SGCG: variants seen among roughly 807,000 people sequenced by gnomAD.
SGCG encodes the protein gamma-sarcoglycan.
Under a neutral mutation model 29.3 loss-of-function variants are expected in SGCG, and 26 were observed. That is an observed-to-expected ratio of 0.89 (90% confidence interval 0.65 to 1.23). The LOEUF (loss-of-function observed/expected upper bound fraction) is 1.23, where lower values mean the gene tolerates loss of function less well. Among genes scored for constraint, SGCG ranks in the 50% most tolerant of loss-of-function variants. The pLI is 0.00. For synonymous variants in SGCG, 145 were observed against 129.7 expected (o/e 1.12, Z -0.80); for missense variants, 353 against 356.0 (o/e 0.99, Z 0.07).
At chr13:23,200,801 C>T (rs768684146) in intron 1 of SGCG, among the ~76,000 whole-genome samples, 8 of 151,952 alleles carry the variant, frequency 5.3e-5, no homozygotes, top group African/African-American at 1.9e-4. Flanking sequence ...ATGCAGGCAT[C>T]GGGAGACCTT....
the SGCG span, among the ~76,000 whole-genome samples, chr13:23,174,411 A>C: frequency 6.6e-6 from 1 of 152,236 alleles, no homozygotes; most frequent in Non-Finnish European, 1.5e-5. Context: ...AAACAAGGGA[A>C]GTGGAGGTTA....
chr13:23,271,660 TG>T (rs1880881314), intron 4 of SGCG, among the ~76,000 whole-genome samples: 1 of 152,200 alleles, frequency 6.6e-6, no homozygotes, highest in South Asian at 2.1e-4. Context: ...TATTCTTGTA[TG>T]TTTGTTTTTA....
At chr13:23,267,853 G>A (rs951076897) in intron 4 of SGCG, 1 of 152,188 alleles carries the variant, frequency 6.6e-6, no homozygotes, top group Non-Finnish European at 1.5e-5. Context: ...AGGAAACGGG[G>A]TGGCAACTCA....
intron 2 of SGCG, among the ~76,000 whole-genome samples, chr13:23,229,258 C>A (rs116285233): frequency 0.045 from 6,920 of 152,182 alleles, 192 homozygotes; most frequent in South Asian, 0.074. Context: ...GCAATGAACA[C>A]AACGCATGCA....
At chr13:23,317,935 A>T (rs1882887045) in intron 6 of SGCG, among the ~76,000 whole-genome samples, 1 of 152,168 alleles carries the variant, frequency 6.6e-6, no homozygotes, top group African/African-American at 2.4e-5. Context: ...TGGGGAAGGC[A>T]GACCCACCCT....
chr13:23,191,933 C>T lies in SGCG; in HGVS notation c.-1+10858C>T, dbSNP rs182762073. Among the ~76,000 whole-genome samples, 365 of 152,198 alleles carry T rather than the reference C, an allele frequency of 2.4e-3. 4 individuals carry two copies. The highest frequency in any genetic ancestry group is 4.2e-3 in the Non-Finnish European group (286 of 68,006). On this transcript the variant is annotated intron_variant, in intron 1 of 7. Transcript: ENST00000218867. ...GGGCGCGGTGGCTCACGCCTGTAAT[C>T]CCAGCACTTAGGTGGGCGGATCACG...
intron 6 of SGCG, among the ~76,000 whole-genome samples, chr13:23,318,666 T>C (rs1350990289): frequency 6.6e-6 from 1 of 152,200 alleles, no homozygotes; most frequent in African/African-American, 2.4e-5. Flanking sequence ...TGGAAATGTA[T>C]ACTTCAGAGC....
intron 4 of SGCG, among the ~76,000 whole-genome samples, chr13:23,254,007 CTT>C (rs1457950633): frequency 6.6e-6 from 1 of 152,208 alleles, no homozygotes; most frequent in East Asian, 1.9e-4. Context: ...AATTAAACCT[CTT>C]TTCTTTATAA....
chr13:23,238,201 G>C (rs1221886297), intron 3 of SGCG, among the ~76,000 whole-genome samples: 5 of 152,140 alleles, frequency 3.3e-5, no homozygotes, highest in Admixed American at 3.3e-4. Flanking sequence ...GCAGACACAG[G>C]TGGTCTCCCT....
At chr13:23,213,962 T>A (rs531398158) in intron 2 of SGCG, among the ~76,000 whole-genome samples, 11 of 152,342 alleles carry the variant, frequency 7.2e-5, no homozygotes, top group African/African-American at 2.4e-4. Context: ...CTAACAAACT[T>A]GGCCATGAAA....
rs189649224 is a variant in SGCG, at chr13:23,213,098, G to T, written c.195+9209G>T. On this transcript the variant is annotated intron_variant, in intron 2 of 7. Coordinates refer to ENST00000218867, the MANE Select transcript of SGCG (RefSeq NM_000231.3). Reference sequence around the variant, plus strand: ...GTTTTATTACCCTATCTCTGCAGTGGTCTCACTGGCAAAGTACCCATATCT... The same window carrying T: ...GTTTTATTACCCTATCTCTGCAGTGTTCTCACTGGCAAAGTACCCATATCT... Among the ~76,000 whole-genome samples, 505 of 152,238 alleles carry T rather than the reference G, an allele frequency of 3.3e-3. 2 individuals carry two copies. The highest frequency in any genetic ancestry group is 0.011 in the African/African-American group (476 of 41,530).
intron 1 of SGCG, among the ~76,000 whole-genome samples, chr13:23,194,653 T>G (rs1261139012): frequency 6.6e-6 from 1 of 152,194 alleles, no homozygotes. Context: ...TGACACTGGC[T>G]TGCTTGTGTC....
At chr13:23,210,639 C>T (rs891626460) in intron 2 of SGCG, among the ~76,000 whole-genome samples, 4 of 152,044 alleles carry the variant, frequency 2.6e-5, no homozygotes, top group African/African-American at 7.2e-5. Context: ...TGCAGTGAGC[C>T]GAGATCATGC....
At chr13:23,182,636 T>C (rs1380769582) in intron 1 of SGCG, among the ~76,000 whole-genome samples, 1 of 152,236 alleles carries the variant, frequency 6.6e-6, no homozygotes, top group Non-Finnish European at 1.5e-5. Context: ...TATGTTATGC[T>C]GTAGATAGTT....
chr13:23,274,213 T>G (rs1328882485), intron 4 of SGCG, among the ~76,000 whole-genome samples: 1 of 152,078 alleles, frequency 6.6e-6, no homozygotes, highest in Non-Finnish European at 1.5e-5. Flanking sequence ...TTTTGTCCAT[T>G]CCTTAAGTGG....
chr13:23,311,416 A>G (rs1882594750), intron 6 of SGCG, among the ~76,000 whole-genome samples: 1 of 152,218 alleles, frequency 6.6e-6, no homozygotes, highest in Non-Finnish European at 1.5e-5. Context: ...TGTCTTCCTC[A>G]TTCTCTAGAG....
chr13:23,216,552 A>G (rs1223923224), intron 2 of SGCG, among the ~76,000 whole-genome samples: 1 of 152,184 alleles, frequency 6.6e-6, no homozygotes, highest in Non-Finnish European at 1.5e-5. Flanking sequence ...TTAACAGAAT[A>G]TGATATTTAA....
At chr13:23,242,565 C>T (rs189834752) in intron 3 of SGCG, among the ~76,000 whole-genome samples, 58 of 152,268 alleles carry the variant, frequency 3.8e-4, no homozygotes, top group Non-Finnish European at 5.6e-4. Context: ...TGTATTCAAA[C>T]AGGTACATTC....
At chr13:23,282,075 T>G (rs1163883820) in intron 5 of SGCG, among the ~76,000 whole-genome samples, 1 of 152,216 alleles carries the variant, frequency 6.6e-6, no homozygotes, top group Non-Finnish European at 1.5e-5. Flanking sequence ...CTTTCCTTGT[T>G]ATTTTGGTGT....
Sources: gnomAD v4.1 joint callset for allele counts (sites outside exome capture counted in the v4.1 genomes callset) on GRCh38, gnomAD v4.1.1 for gene constraint, MANE v1.5 for transcripts, NCBI Gene and HGNC (gene_info 2026-07-23, HGNC 2026-07-21) for gene names.